The following KIF6 variants were observed in gnomAD, a reference collection of about 807,000 sequenced individuals.
The protein encoded by KIF6 is kinesin family member 6, also known as kinesin-like protein KIF6.
KIF6 carries 106 observed loss-of-function variants against 112.7 expected under a neutral mutation model. The observed-to-expected ratio is 0.94, with a 90% confidence interval of 0.80 to 1.11. The LOEUF (loss-of-function observed/expected upper bound fraction) is 1.11, where lower values mean the gene tolerates loss of function less well. KIF6 is among the 50% of genes least tolerant of loss of function. The probability of loss-of-function intolerance (pLI) is 0.00; values close to 1 mark genes in which losing one functional copy is unlikely to be tolerated. For synonymous variants in KIF6, 339 were observed against 339.9 expected, an observed-to-expected ratio of 1.00 and a Z score of 0.03; for missense variants, 929 against 964.0, an observed-to-expected ratio of 0.96 and a Z score of 0.48.
chr6:39,468,947 G>C (rs914070300), intron 13 of KIF6, among the ~76,000 whole-genome samples: 1 of 152,042 alleles, frequency 6.6e-6, no homozygotes, highest in Non-Finnish European at 1.5e-5. Flanking sequence ...CACAAAGGAG[G>C]GGGTGGAAGC....
chr6:39,411,806 T>C (rs1769493268), intron 15 of KIF6, among the ~76,000 whole-genome samples: 1 of 152,232 alleles, frequency 6.6e-6, no homozygotes. Context: ...TGATTCCCTT[T>C]GTGCTTGGAG....
At chr6:39,539,488 C>T (rs544870882) in intron 13 of KIF6, among the ~76,000 whole-genome samples, 45 of 152,076 alleles carry the variant, frequency 3.0e-4, no homozygotes, top group Non-Finnish European at 4.7e-4. Flanking sequence ...GGATTACAGG[C>T]GCGCACCACC....
chr6:39,634,726 A>G, intron 5 of KIF6, 123 bp downstream of exon 5: 2 of 702,994 alleles, frequency 2.8e-6, no homozygotes, highest in South Asian at 3.3e-5. Context: ...TTACAAAAAG[A>G]TACGGTTATC....
chr6:39,352,446 C>T (rs1031400390), intron 19 of KIF6, among the ~76,000 whole-genome samples: 31 of 152,194 alleles, frequency 2.0e-4, no homozygotes, highest in African/African-American at 7.5e-4. Flanking sequence ...TTCCTCCCTA[C>T]AAGTCCATGA....
chr6:39,538,707 C>T (rs1778595378), intron 13 of KIF6, among the ~76,000 whole-genome samples: 1 of 149,792 alleles, frequency 6.7e-6, no homozygotes, highest in Non-Finnish European at 1.5e-5. Flanking sequence ...CCCAGCCATC[C>T]CATTATTGGG....
intron 13 of KIF6, among the ~76,000 whole-genome samples, chr6:39,488,495 C>T (rs935657232): frequency 2.0e-5 from 3 of 152,160 alleles, no homozygotes; most frequent in Admixed American, 2.0e-4. Flanking sequence ...TCCCAGAAGC[C>T]TTTTATGACT....
At chr6:39,624,561 C>G (rs1184565140) in intron 5 of KIF6, among the ~76,000 whole-genome samples, 7 of 152,126 alleles carry the variant, frequency 4.6e-5, no homozygotes, top group Admixed American at 4.6e-4. Context: ...ATAATGCAAT[C>G]GTGGAGACTA....
intron 3 of KIF6, among the ~76,000 whole-genome samples, chr6:39,648,997 CA>C (rs11457388): frequency 2.9e-3 from 366 of 126,232 alleles, no homozygotes; most frequent in African/African-American, 3.6e-3. Context: ...CTGTCTCTGC[CA>C]AAAAAAAAAA....
intron 3 of KIF6, among the ~76,000 whole-genome samples, chr6:39,703,067 A>T (rs1245208330): frequency 4.7e-5 from 2 of 42,754 alleles, no homozygotes; most frequent in African/African-American, 1.0e-4. Context: ...CCAAGACAAA[A>T]TCCACCAACC....
chr6:39,551,285 A>C lies in KIF6; in HGVS notation c.1182-5597T>G, dbSNP rs142437914. ...TGTTGTCACTCACACGTGGGAACTA[A>C]ATAAAAAATTAACTCATGGAGATAA... is the stretch of plus-strand genomic sequence containing the variant. On this transcript the variant is annotated intron_variant, in intron 10 of 22. Transcript: ENST00000287152. 4.9e-3 allele frequency among the ~76,000 whole-genome samples: 752 copies of C among 152,334 alleles called. 4 individuals carry two copies. The highest frequency in any genetic ancestry group is 8.0e-3 in the Non-Finnish European group (546 of 68,032).
intron 1 of KIF6, among the ~76,000 whole-genome samples, chr6:39,724,190 C>T (rs550387908): frequency 1.3e-5 from 2 of 152,316 alleles, no homozygotes; most frequent in South Asian, 4.1e-4. Flanking sequence ...GTGGCTCACG[C>T]CTGTAATCCC....
chr6:39,423,222 GTTC>G (rs918576708), intron 14 of KIF6, among the ~76,000 whole-genome samples: 20 of 152,282 alleles, frequency 1.3e-4, no homozygotes, highest in African/African-American at 4.1e-4. Context: ...ATGCTCTGCT[GTTC>G]TTCTACTAGC....
At chr6:39,530,753 TA>T (rs1172993294) in intron 13 of KIF6, among the ~76,000 whole-genome samples, 2 of 152,190 alleles carry the variant, frequency 1.3e-5, no homozygotes, top group East Asian at 3.8e-4. Flanking sequence ...TGGTCAGATT[TA>T]CTTACTTTCT....
At chr6:39,548,431 T>A (rs560472247) in intron 10 of KIF6, among the ~76,000 whole-genome samples, 3 of 152,232 alleles carry the variant, frequency 2.0e-5, no homozygotes, top group African/African-American at 4.8e-5. Flanking sequence ...ATCGCTTTAC[T>A]CTTTCTGGGA....
intron 19 of KIF6, among the ~76,000 whole-genome samples, chr6:39,348,381 T>C (rs1581638234): frequency 6.6e-6 from 1 of 152,166 alleles, no homozygotes; most frequent in Non-Finnish European, 1.5e-5. Context: ...TCTAGTACTC[T>C]TTGCGGAGGC....
chr6:39,546,978 C>T (rs1779104066), intron 10 of KIF6, among the ~76,000 whole-genome samples: 3 of 152,156 alleles, frequency 2.0e-5, no homozygotes, highest in Admixed American at 2.0e-4. Context: ...AATATGTTCA[C>T]TAGTTACTGG....
chr6:39,587,952 A>G (rs763935798), intron 7 of KIF6, among the ~76,000 whole-genome samples: 1 of 152,226 alleles, frequency 6.6e-6, no homozygotes, highest in Non-Finnish European at 1.5e-5. Context: ...CCATCTTACT[A>G]GACTTCTGAG....
intron 14 of KIF6, among the ~76,000 whole-genome samples, chr6:39,421,567 G>T (rs1770363156): frequency 6.6e-6 from 1 of 152,172 alleles, no homozygotes; most frequent in Admixed American, 6.5e-5. Context: ...TGCCACGACT[G>T]CTCTGTGTTG....
intron 3 of KIF6, among the ~76,000 whole-genome samples, chr6:39,685,401 G>A (rs1229965320): frequency 1.3e-5 from 2 of 152,192 alleles, no homozygotes; most frequent in East Asian, 3.9e-4. Context: ...TACTTGATTG[G>A]TTGGGTCTAT....
Sources: gnomAD v4.1 joint callset for allele counts (sites outside exome capture counted in the v4.1 genomes callset) on GRCh38, gnomAD v4.1.1 for gene constraint, MANE v1.5 for transcripts, NCBI Gene and HGNC (gene_info 2026-07-23, HGNC 2026-07-21) for gene names.